The following BCL3 variants were observed in gnomAD, a reference collection of about 807,000 sequenced individuals.
BCL3 encodes BCL3 transcription coactivator.
BCL3 carries 15 observed loss-of-function variants against 35.7 expected under a neutral mutation model. That is an observed-to-expected ratio of 0.42 (90% CI 0.28 to 0.65). The LOEUF (loss-of-function observed/expected upper bound fraction) is 0.65. Among genes scored for constraint, BCL3 ranks in the 30% least tolerant of loss-of-function variants. The pLI, the probability that BCL3 is intolerant of heterozygous loss-of-function variation, is 0.22. For missense variants in BCL3, 565 were observed against 641.7 expected, an observed-to-expected ratio of 0.88 and a Z score of 1.29; for synonymous variants, 311 against 284.3, an observed-to-expected ratio of 1.09 and a Z score of -0.95.
chr19:44,747,974 G>T (rs922644356), upstream of BCL3: 2 of 1,307,038 alleles, frequency 1.5e-6, no homozygotes, highest in African/African-American at 3.0e-5. Flanking sequence ...CAGCTGATGA[G>T]GCACGTGGAG....
rs1162575404 is a variant in BCL3 at position 44,757,063 on chromosome 19, G to A, written c.566G>A (p.Arg189Gln). ...AVITTLPSVV[R>Q]LLVTAGASPM... Reference sequence around the variant, plus strand: ...ATCACCACATTACCGTCTGTGGTCCGGCTCCTGGTGACAGCTGGTGCCAGC... The same window carrying A: ...ATCACCACATTACCGTCTGTGGTCCAGCTCCTGGTGACAGCTGGTGCCAGC... The change falls in exon 4 of 9, where the codon CGG becomes CAG. Residue 189 changes from arginine (R) to glutamine (Q), a missense_variant. Around this residue, in one of 5 missense-constraint regions of BCL3, gnomAD observed 267 missense variants for 281.5 expected, o/e 0.95. Transcript: ENST00000164227. This position sits in a 1 kb window ranked among gnomAD's most constrained non-coding sequence, Gnocchi z 8.4. 1 of 1,611,000 alleles carries A rather than the reference G, an allele frequency of 6.2e-7. No homozygotes were observed. Among genetic ancestry groups the A allele is most frequent in the East Asian group, 2.2e-5 (1 of 44,704 alleles).
chr19:44,754,183 C>T (rs1967236663), intron 2 of BCL3, among the ~76,000 whole-genome samples: 1 of 152,098 alleles, frequency 6.6e-6, no homozygotes, highest in African/African-American at 2.4e-5. Context: ...AGTCCTTATT[C>T]TTAAAGAAGA....
rs1599842609 is a variant in BCL3, at chr19:44,757,154, C to G, written c.657C>G (p.Thr219=). Residue 219 remains threonine (T), a synonymous_variant, in exon 4 of 9, where the codon ACC becomes ACG. Transcript: ENST00000164227. This position sits in a 1 kb window ranked among gnomAD's most constrained non-coding sequence, Gnocchi z 8.4. ...TGGCGTGCGAGCACCGCAGCCCGAC[C>G]TGCCTGCGAGCCCTGCTGGACAGCG... The part of the protein sequence containing the change: ...AHLACEHRSP[T]CLRALLDSAA... 1 of 1,588,100 alleles carries G rather than the reference C, an allele frequency of 6.3e-7. No individual in the cohort carries two copies. The highest frequency in any genetic ancestry group is 1.3e-5 in the African/African-American group (1 of 74,138).
chr19:44,758,454 T>C lies in BCL3; in HGVS notation c.1059+41T>C, dbSNP rs952336913. The C allele has an allele frequency of 3.3e-6, 5 of 1,518,338 alleles. No homozygotes were observed. In the African/African-American group the frequency reaches 5.5e-5, roughly 17 times the overall value. 94.1% of individuals were successfully genotyped at this position (1,518,338 alleles called of 1,614,324 possible). A position where few individuals can be genotyped will look rare whatever the true frequency, so the allele number is the denominator to read the frequency against. ...TGTGGACATGCCCCTTGCACACGTG[T>C]GTCCGCGGGCTGGTTGCAGGCGAGT... On this transcript the variant is annotated intron_variant, in intron 7 of 8. Coordinates refer to ENST00000164227, the MANE Select transcript of BCL3 (RefSeq NM_005178.5).
In BCL3 at chr19:44,752,345, C is replaced by T. The variant is rs140527022; in HGVS notation, c.410+965C>T. 2.3e-3 allele frequency among the ~76,000 whole-genome samples: 346 copies of T among 151,130 alleles called. 1 individual carries two copies. Among genetic ancestry groups the T allele is most frequent in the South Asian group, 5.5e-3 (26 of 4,762 alleles). The stretch of plus-strand genomic sequence containing the variant: ...CCTCCTGAGTAGCTGGGACCACAGA[C>T]GCTACCCCCACACCTGGCTAATTTT... On this transcript the variant is annotated intron_variant, in intron 2 of 8. Transcript: ENST00000164227.
upstream of BCL3, chr19:44,748,615 G>C (rs1427004059): frequency 2.5e-5 from 18 of 731,870 alleles, no homozygotes; most frequent in Non-Finnish European, 2.9e-5. Flanking sequence ...AAACCCCTGG[G>C]GCGTACGGGT....
intron 1 of BCL3, among the ~76,000 whole-genome samples, chr19:44,750,691 G>A: frequency 6.6e-6 from 1 of 152,170 alleles, no homozygotes; most frequent in Non-Finnish European, 1.5e-5. Flanking sequence ...GTTGAGGCAG[G>A]AGAATCGCTT....
Position 44,759,841 on chromosome 19 carries a change from C to T in BCL3, c.*226C>T, listed in dbSNP as rs1967392760. 4 of 467,458 alleles carry T rather than the reference C, an allele frequency of 8.6e-6. No homozygotes were observed. The highest frequency in any genetic ancestry group is 1.1e-5 in the Non-Finnish European group (3 of 267,648). The allele number at this position is 467,458 out of a possible 1,614,324, so 29.0% of individuals were successfully genotyped here. On this transcript the variant is annotated 3_prime_UTR_variant, in exon 9 of 9. Transcript: ENST00000164227. The stretch of plus-strand genomic sequence containing the variant: ...CTCTGACCCCAGCATTCTCAGGCAC[C>T]AGTCCCTGTCCGGAATGCCACCCAC...
chr19:44,755,855 T>C (rs373619448), intron 2 of BCL3, among the ~76,000 whole-genome samples: 7 of 152,088 alleles, frequency 4.6e-5, no homozygotes, highest in African/African-American at 1.7e-4. Flanking sequence ...GAGGCAGAGA[T>C]TGCAGTGAGC....
chr19:44,756,232 G>A lies in BCL3; in HGVS notation c.411G>A (p.Thr137=). 1 of 1,485,962 alleles carries A rather than the reference G, an allele frequency of 6.7e-7. No homozygotes were observed. The highest frequency in any genetic ancestry group is 2.6e-5 in the East Asian group (1 of 38,910). The allele number at this position is 1,485,962 out of a possible 1,614,324, so 92.0% of individuals were successfully genotyped here. A position where few individuals can be genotyped will look rare whatever the true frequency, so the allele number is the denominator to read the frequency against. The part of the protein sequence containing the change: ...MATRADEDGD[T]PLHIAVVQGN... ...GATTCCTTCACTCCCCCACCCCCAG[G>A]CCTCTCCATATTGCTGTGGTGCAGG... Residue 137 remains threonine, a splice_region_variant and synonymous_variant, in exon 3 of 9, where the codon ACG becomes ACA. Coordinates refer to ENST00000164227, the MANE Select transcript of BCL3 (RefSeq NM_005178.5).
chr19:44,752,838 C>G (rs1967207330), intron 2 of BCL3, among the ~76,000 whole-genome samples: 1 of 152,158 alleles, frequency 6.6e-6, no homozygotes, highest in South Asian at 2.1e-4. Flanking sequence ...GTGTGAGGGT[C>G]TCTGGGAGGA....
chr19:44,753,671 C>G (rs1455157265), intron 2 of BCL3, among the ~76,000 whole-genome samples: 1 of 151,874 alleles, frequency 6.6e-6, no homozygotes, highest in East Asian at 1.9e-4. Flanking sequence ...GCGAGGAGGG[C>G]GGGGGACGCT....
In BCL3 at chr19:44,748,761, C is replaced by G. The variant is rs1210568106; in HGVS notation, c.-30C>G. 5 of 1,092,962 alleles carry G rather than the reference C, an allele frequency of 4.6e-6. No individual in the cohort carries two copies. The African/African-American group carries it at 6.7e-5, about 15-fold the overall frequency. The allele number at this position is 1,092,962 out of a possible 1,614,324, so 67.7% of individuals were successfully genotyped here. A position where few individuals can be genotyped will look rare whatever the true frequency, so the allele number is the denominator to read the frequency against. On this transcript the variant is annotated 5_prime_UTR_variant, in exon 1 of 9. Coordinates refer to ENST00000164227, the MANE Select transcript of BCL3 (RefSeq NM_005178.5). ...ACCCTCCCGTGCAGCCGAGCCCAGCCGCTCTCCGGCCGCCGTCCCCGGCGG... is the reference window on the plus strand; with the variant it reads ...ACCCTCCCGTGCAGCCGAGCCCAGCGGCTCTCCGGCCGCCGTCCCCGGCGG...
At chr19:44,751,096 A>T (rs1450028408) in intron 1 of BCL3, 131 bp from the exon 2 acceptor site, 3 of 1,198,790 alleles carry the variant, frequency 2.5e-6, no homozygotes, top group Non-Finnish European at 3.4e-6. Context: ...AGGACCCTGT[A>T]TGGGATGCAA....
At chr19:44,756,423 G>C (rs1162133411) in intron 3 of BCL3, 83 bp downstream of exon 3, 2 of 1,023,274 alleles carry the variant, frequency 2.0e-6, no homozygotes, top group Non-Finnish European at 1.3e-6. Context: ...GAACTCCTGG[G>C]TCTGAGGGAG....
At chr19:44,752,397 C>T (rs914759303) in intron 2 of BCL3, among the ~76,000 whole-genome samples, 2 of 151,120 alleles carry the variant, frequency 1.3e-5, no homozygotes, top group African/African-American at 2.4e-5. Context: ...AGAAACACAG[C>T]AGTCTTGCTA....
chr19:44,757,279 G>T lies in BCL3; in HGVS notation c.725-48G>T. 6.4e-7 allele frequency: 1 copy of T among 1,563,442 alleles called. No homozygotes were observed. Among genetic ancestry groups the T allele is most frequent in the Non-Finnish European group, 8.7e-7 (1 of 1,152,416 alleles). On this transcript the variant is annotated intron_variant, in intron 4 of 8. Transcript: ENST00000164227. This position sits in a 1 kb window ranked among gnomAD's most constrained non-coding sequence, Gnocchi z 8.4. ...TCCAGCGGACCTGGAGTCCATCAGCGGCCGCAAAGCCCGGGCCTAGGTTTC... is the reference window on the plus strand; with the variant it reads ...TCCAGCGGACCTGGAGTCCATCAGCTGCCGCAAAGCCCGGGCCTAGGTTTC...
chr19:44,751,471 C>A, intron 2 of BCL3, 91 bp downstream of exon 2: 1 of 1,329,432 alleles, frequency 7.5e-7, no homozygotes, highest in South Asian at 1.6e-5. Context: ...GGACCTGAGT[C>A]AGAACTCGGT....
intron 2 of BCL3, among the ~76,000 whole-genome samples, chr19:44,751,607 T>C (rs1162140384): frequency 2.6e-5 from 4 of 152,156 alleles, no homozygotes; most frequent in East Asian, 1.9e-4. Flanking sequence ...TTGGTTTTTG[T>C]TTTTGTTTTT....
Sources: gnomAD v4.1 joint callset for allele counts (sites outside exome capture counted in the v4.1 genomes callset) on GRCh38, gnomAD v4.1.1 for gene constraint, gnomAD v4.1.1 regional missense constraint, Gnocchi (gnomAD v3.1) non-coding constraint, MANE v1.5 for transcripts, NCBI Gene and HGNC (gene_info 2026-07-23, HGNC 2026-07-21) for gene names.